Variants in SIK3 observed in about 807,000 individuals in gnomAD.
SIK3 encodes the protein SIK family kinase 3.
In SIK3, 28 loss-of-function variants were observed where a neutral mutation model predicts 144.2. That is an observed-to-expected ratio of 0.19 (90% confidence interval 0.14 to 0.27). The LOEUF (loss-of-function observed/expected upper bound fraction) is 0.27, where lower values mean the gene tolerates loss of function less well. Ranked by LOEUF, SIK3 falls within the 10% of genes least tolerant of loss-of-function variation. SIK3 has a pLI of 1.00. For missense variants in SIK3, 1,319 were observed against 1,776.0 expected (o/e 0.74, Z 4.62); for synonymous variants, 686 against 676.3 (o/e 1.01, Z -0.22).
At chr11:116,899,064 G>GTTAC (rs1405523733) in intron 4 of SIK3, among the ~76,000 whole-genome samples, 1 of 151,948 alleles carries the variant, frequency 6.6e-6, no homozygotes, top group Non-Finnish European at 1.5e-5. Flanking sequence ...TGTCCTGAAT[G>GTTAC]GTAATGCCTA....
At chr11:116,931,866 A>G (rs1947623560) in intron 3 of SIK3, among the ~76,000 whole-genome samples, 1 of 152,170 alleles carries the variant, frequency 6.6e-6, no homozygotes, top group African/African-American at 2.4e-5. Context: ...TTAATATCCT[A>G]TTGTCCTCTA....
At chr11:116,960,852 C>G (rs1209072062) in intron 1 of SIK3, among the ~76,000 whole-genome samples, 1 of 152,176 alleles carries the variant, frequency 6.6e-6, no homozygotes, top group Middle Eastern at 3.2e-3. Flanking sequence ...CTTCTGGAAT[C>G]AAGCCTTCAA....
At chr11:116,956,913 C>A (rs1949159773) in intron 2 of SIK3, 35 bp downstream of exon 2, 2 of 1,341,714 alleles carry the variant, frequency 1.5e-6, no homozygotes, top group East Asian at 4.9e-5. Context: ...ATTCTGGGTT[C>A]TTTGCAGCTA....
Position 117,073,183 on chromosome 11 carries a change from A to G in SIK3, c.273+24960T>C, listed in dbSNP as rs143926230. Among the ~76,000 whole-genome samples the G allele has an allele frequency of 1.1e-4, 16 of 152,326 alleles. No homozygotes were observed. In the East Asian group the frequency reaches 3.1e-3, roughly 29 times the overall value. ...TGGAAATTTTATCTTAAGGCTCTAC[A>G]TATGCACAGCAAGTGCATTACTTAA... is the stretch of plus-strand genomic sequence containing the variant. On this transcript the variant is annotated intron_variant, in intron 1 of 24. Transcript: ENST00000445177.
chr11:117,097,836 G>C (rs1402325414), intron 1 of SIK3, among the ~76,000 whole-genome samples: 1 of 151,710 alleles, frequency 6.6e-6, no homozygotes, highest in Non-Finnish European at 1.5e-5. Context: ...CCCTCGGGGA[G>C]TTCCGACCCC....
intron 1 of SIK3, among the ~76,000 whole-genome samples, chr11:116,986,528 A>T (rs1201956558): frequency 2.6e-5 from 4 of 152,208 alleles, no homozygotes; most frequent in Admixed American, 6.5e-5. Flanking sequence ...TCAACAGATG[A>T]CTTAGCTTTG....
chr11:116,910,257 A>T (rs1443010242), intron 4 of SIK3, among the ~76,000 whole-genome samples: 1 of 152,150 alleles, frequency 6.6e-6, no homozygotes, highest in Non-Finnish European at 1.5e-5. Context: ...AAAAAAAATT[A>T]GGTTTTCCTT....
intron 1 of SIK3, among the ~76,000 whole-genome samples, chr11:116,988,902 T>G (rs140351534): frequency 6.2e-4 from 94 of 151,270 alleles, no homozygotes; most frequent in African/African-American, 1.9e-3. Flanking sequence ...GAAGACAACA[T>G]ATGCCCTGTA....
chr11:116,865,683 G>A (rs1943596373), intron 15 of SIK3, among the ~76,000 whole-genome samples: 1 of 152,088 alleles, frequency 6.6e-6, no homozygotes, highest in Non-Finnish European at 1.5e-5. Context: ...CCACTCTTCT[G>A]TTTCCATGTT....
chr11:116,866,895 G>C (rs1045091978), intron 15 of SIK3, among the ~76,000 whole-genome samples: 2 of 152,148 alleles, frequency 1.3e-5, no homozygotes, highest in Non-Finnish European at 2.9e-5. Context: ...AGTCATTTAT[G>C]AAAGCTTATC....
chr11:117,065,853 C>A (rs1347210930), intron 1 of SIK3, among the ~76,000 whole-genome samples: 2 of 151,964 alleles, frequency 1.3e-5, no homozygotes, highest in African/African-American at 2.4e-5. Flanking sequence ...TGGTCTCGAA[C>A]TCCTGGCCCC....
At chr11:117,009,056 G>A (rs753654983) in intron 1 of SIK3, among the ~76,000 whole-genome samples, 5 of 150,958 alleles carry the variant, frequency 3.3e-5, no homozygotes, top group African/African-American at 1.2e-4. Context: ...CCAACATGGC[G>A]AAACCCCATC....
intron 3 of SIK3, among the ~76,000 whole-genome samples, chr11:116,943,403 T>G (rs192823891): frequency 4.3e-4 from 66 of 152,184 alleles, no homozygotes; most frequent in African/African-American, 1.5e-3. Flanking sequence ...TCCAACCAAC[T>G]CCTCTAAGAC....
chr11:116,893,678 G>A (rs1306592351), intron 6 of SIK3, among the ~76,000 whole-genome samples: 1 of 151,962 alleles, frequency 6.6e-6, no homozygotes, highest in Non-Finnish European at 1.5e-5. Flanking sequence ...CCCAAAAAAG[G>A]GAGTTAGGGA....
At chr11:117,038,266 TCAAA>T (rs1482264928) in intron 1 of SIK3, among the ~76,000 whole-genome samples, 1 of 151,872 alleles carries the variant, frequency 6.6e-6, no homozygotes, top group African/African-American at 2.4e-5. Flanking sequence ...AAAGAACCAC[TCAAA>T]CAAAATTTCA....
intron 1 of SIK3, among the ~76,000 whole-genome samples, chr11:116,984,485 G>A (rs1309807010): frequency 6.6e-6 from 1 of 152,080 alleles, no homozygotes; most frequent in African/African-American, 2.4e-5. Context: ...GCTCCCCTCT[G>A]GGTCATAATA....
At chr11:117,037,202 T>C (rs943801863) in intron 1 of SIK3, among the ~76,000 whole-genome samples, 10 of 152,100 alleles carry the variant, frequency 6.6e-5, no homozygotes, top group African/African-American at 9.7e-5. Context: ...TTCAAGGCCA[T>C]AGCAAACACA....
At chr11:116,946,021 C>T (rs1226845992) in intron 3 of SIK3, among the ~76,000 whole-genome samples, 1 of 152,202 alleles carries the variant, frequency 6.6e-6, no homozygotes, top group East Asian at 1.9e-4. Flanking sequence ...AAATTGCCTA[C>T]ACCCACATGC....
rs1474321438 is a variant in SIK3, at chr11:116,967,010, AAAAAG to A, written c.274-9951_274-9947del. 4.2e-5 allele frequency among the ~76,000 whole-genome samples: 6 copies of A among 142,724 alleles called. No homozygotes were observed. In the South Asian group the frequency reaches 1.3e-3, roughly 31 times the overall value. 93.6% of individuals were successfully genotyped at this position (142,724 alleles called of 152,430 possible). A position where few individuals can be genotyped will look rare whatever the true frequency, so the allele number is the denominator to read the frequency against. ...CAGAGCAAGACTCTGTTTCAAAAAA[AAAAAG>A]AAAAAGAAAAAGAAAAAGAAAAGAA... On this transcript the variant is annotated intron_variant, in intron 1 of 24. Coordinates refer to ENST00000445177, the MANE Select transcript of SIK3 (RefSeq NM_001366686.3).
Sources: gnomAD v4.1 joint callset for allele counts (sites outside exome capture counted in the v4.1 genomes callset) on GRCh38, gnomAD v4.1.1 for gene constraint, MANE v1.5 for transcripts, NCBI Gene and HGNC (gene_info 2026-07-23, HGNC 2026-07-21) for gene names.